The following KAZN variants were observed in gnomAD, a reference collection of about 807,000 sequenced individuals.
KAZN encodes kazrin.
KAZN carries 40 observed loss-of-function variants against 87.4 expected under a neutral mutation model. That is an observed-to-expected ratio of 0.46 (90% CI 0.36 to 0.60). The LOEUF is 0.60. Ranked by LOEUF, KAZN falls within the 20% of genes least tolerant of loss-of-function variation. The probability of loss-of-function intolerance (pLI) is 0.00; values close to 1 mark genes in which losing one functional copy is unlikely to be tolerated. For missense variants in KAZN, 898 were observed against 1,073.9 expected, an observed-to-expected ratio of 0.84 and a Z score of 2.29; for synonymous variants, 466 against 458.3, an observed-to-expected ratio of 1.02 and a Z score of -0.22.
chr1:14,348,153 T>A (rs922843162), intron 2 of KAZN, among the ~76,000 whole-genome samples: 2 of 151,198 alleles, frequency 1.3e-5, no homozygotes, highest in African/African-American at 4.9e-5. Context: ...TGAATTCAAG[T>A]GATGCTCCTG....
chr1:14,785,357 G>A (rs904441168), intron 1 of KAZN, among the ~76,000 whole-genome samples: 5 of 152,104 alleles, frequency 3.3e-5, no homozygotes, highest in Non-Finnish European at 4.4e-5. Flanking sequence ...CTTATTGGAT[G>A]GTTTGGGTCA....
At chr1:13,982,127 CGGCCA>C (rs1166538738) in intron 1 of KAZN, among the ~76,000 whole-genome samples, 3 of 152,188 alleles carry the variant, frequency 2.0e-5, no homozygotes, top group Non-Finnish European at 4.4e-5. Flanking sequence ...GACTCCAGTC[CGGCCA>C]GGGCCTGAAT....
chr1:14,514,073 C>T (rs2148449934), intron 2 of KAZN, among the ~76,000 whole-genome samples: 1 of 150,788 alleles, frequency 6.6e-6, no homozygotes, highest in East Asian at 2.0e-4. Flanking sequence ...GTAATCCCAG[C>T]ACTTTGGGAG....
Position 15,094,851 on chromosome 1 carries a change from G to A in KAZN, c.1465G>A (p.Gly489Ser). The A allele has an allele frequency of 6.4e-7, 1 of 1,550,572 alleles. No individual in the cohort carries two copies. Among genetic ancestry groups the A allele is most frequent in the Admixed American group, 2.0e-5 (1 of 50,994 alleles). ...CCTGAGTGACGAGGACCTGCAGCTG[G>A]GCCTTGGGGTGTGCAGCTCCCTGCA... Reference protein sequence around the residue: ...LSLSDEDLQLGLGVCSSLHRR... With the variant: ...LSLSDEDLQLSLGVCSSLHRR... Residue 489 changes from glycine (G) to serine (S), a missense_variant, in exon 10 of 15, where the codon GGC becomes AGC. By Grantham distance (56) the Gly-to-Ser change is moderately conservative. Transcript: ENST00000376030. The surrounding 1 kb of genome is among the most constrained non-coding windows in gnomAD (Gnocchi z 4.5).
chr1:14,113,978 A>G (rs1644554686), intron 1 of KAZN, among the ~76,000 whole-genome samples: 1 of 152,150 alleles, frequency 6.6e-6, no homozygotes, highest in Non-Finnish European at 1.5e-5. Flanking sequence ...GGAAAAGCTC[A>G]GTGGTGGTTT....
chr1:14,598,649 G>A, upstream of KAZN: 2 of 1,180,708 alleles, frequency 1.7e-6, no homozygotes, highest in Non-Finnish European at 2.1e-6. The surrounding 1 kb of genome is among the most constrained non-coding windows in gnomAD (Gnocchi z 4.2). Context: ...CGAATGGTAG[G>A]CTCCATTTAA....
chr1:14,691,903 GCTTAT>G (rs1641334151), intron 1 of KAZN, among the ~76,000 whole-genome samples: 1 of 149,384 alleles, frequency 6.7e-6, no homozygotes, highest in Non-Finnish European at 1.5e-5. Flanking sequence ...GCTCATCACA[GCTTAT>G]CTTATCTGCC....
At chr1:14,874,453 G>A (rs1043598975) in intron 1 of KAZN, among the ~76,000 whole-genome samples, 5 of 149,562 alleles carry the variant, frequency 3.3e-5, no homozygotes, top group African/African-American at 7.4e-5. Flanking sequence ...GGCATGAATC[G>A]CTAGCTAGCT....
intron 1 of KAZN, among the ~76,000 whole-genome samples, chr1:14,868,674 C>T (rs1651801444): frequency 6.6e-6 from 1 of 151,760 alleles, no homozygotes; most frequent in South Asian, 2.1e-4. Context: ...TCTGCATGTC[C>T]TTCCAGAAAT....
At chr1:14,845,690 G>C (rs1392295803) in intron 1 of KAZN, among the ~76,000 whole-genome samples, 1 of 152,144 alleles carries the variant, frequency 6.6e-6, no homozygotes, top group East Asian at 1.9e-4. Flanking sequence ...TGTTCCTTAT[G>C]GTGGTAATAG....
intron 1 of KAZN, among the ~76,000 whole-genome samples, chr1:14,022,708 A>C (rs2101268788): frequency 6.6e-6 from 1 of 152,212 alleles, no homozygotes; most frequent in South Asian, 2.1e-4. Flanking sequence ...TTCTCTTTAC[A>C]TCTCTCCATG....
chr1:14,376,448 G>A (rs1238073567), intron 2 of KAZN, among the ~76,000 whole-genome samples: 2 of 152,222 alleles, frequency 1.3e-5, no homozygotes, highest in Non-Finnish European at 1.5e-5. Flanking sequence ...TGATAAAAAG[G>A]ATGAGTTCAG....
chr1:14,492,635 C>G (rs1469645478), intron 2 of KAZN, among the ~76,000 whole-genome samples: 1 of 6,780 alleles, frequency 1.5e-4, no homozygotes, highest in African/African-American at 1.6e-3. Context: ...AATCCCTAGG[C>G]CCTACATAAC....
chr1:14,536,664 C>T (rs1396547426), intron 2 of KAZN, among the ~76,000 whole-genome samples: 1 of 152,100 alleles, frequency 6.6e-6, no homozygotes, highest in South Asian at 2.1e-4. Context: ...GGTGGACAAC[C>T]TGAGGTCAGG....
chr1:14,377,366 T>A (rs1229733365), intron 2 of KAZN, among the ~76,000 whole-genome samples: 1 of 152,184 alleles, frequency 6.6e-6, no homozygotes, highest in Non-Finnish European at 1.5e-5. Flanking sequence ...ACCACATCAG[T>A]GGAAAGACGG....
intron 1 of KAZN, among the ~76,000 whole-genome samples, chr1:13,915,284 G>A (rs1639805777): frequency 6.6e-6 from 1 of 152,100 alleles, no homozygotes; most frequent in Non-Finnish European, 1.5e-5. Flanking sequence ...TGGGGACCAC[G>A]GGACTTTTAG....
At chr1:14,742,507 A>C (rs1644135085) in intron 1 of KAZN, among the ~76,000 whole-genome samples, 1 of 151,204 alleles carries the variant, frequency 6.6e-6, no homozygotes, top group Non-Finnish European at 1.5e-5. Flanking sequence ...GAGCGAATGA[A>C]AAAAAAACCA....
intron 1 of KAZN, among the ~76,000 whole-genome samples, chr1:14,004,392 T>G (rs1268179286): frequency 1.3e-5 from 2 of 152,262 alleles, no homozygotes; most frequent in Non-Finnish European, 2.9e-5. Context: ...AAAATACATG[T>G]GCATAAATAC....
At chr1:13,947,349 T>C (rs1641183388) in intron 1 of KAZN, among the ~76,000 whole-genome samples, 1 of 151,932 alleles carries the variant, frequency 6.6e-6, no homozygotes, top group Non-Finnish European at 1.5e-5. Context: ...AAATCGTGAG[T>C]GGACTCAAGA....
Sources: allele counts gnomAD v4.1 joint callset (sites outside exome capture counted in the v4.1 genomes callset), GRCh38; gene constraint gnomAD v4.1.1; non-coding constraint Gnocchi (gnomAD v3.1); transcripts MANE v1.5; gene names NCBI Gene and HGNC (gene_info 2026-07-23, HGNC 2026-07-21).